Variants in TNPO1 observed in about 807,000 individuals in gnomAD.
TNPO1 encodes the protein transportin-1.
In TNPO1, 8 loss-of-function variants were observed where a neutral mutation model predicts 119.5. The observed-to-expected ratio is 0.07, with a 90% CI of 0.04 to 0.12. TNPO1 has a LOEUF of 0.12. TNPO1 is among the 10% of genes least tolerant of loss of function. The probability of loss-of-function intolerance (pLI) is 1.00; values close to 1 mark genes in which losing one functional copy is unlikely to be tolerated. For synonymous variants in TNPO1, 362 were observed against 363.0 expected (o/e 1.00, Z 0.03); for missense variants, 576 against 1,089.8 (o/e 0.53, Z 6.64).
chr5:72,861,453 G>A (rs79770229), intron 4 of TNPO1, among the ~76,000 whole-genome samples: 22 of 152,316 alleles, frequency 1.4e-4, no homozygotes, highest in Non-Finnish European at 2.6e-4. Flanking sequence ...CCAGGCATGA[G>A]TGTGGTCTCA....
intron 1 of TNPO1, among the ~76,000 whole-genome samples, chr5:72,837,659 T>C (rs1195609549): frequency 6.6e-6 from 1 of 152,224 alleles, no homozygotes; most frequent in Non-Finnish European, 1.5e-5. Flanking sequence ...CCTATTGTTA[T>C]CTGATGGTAC....
At position 72,901,285 on chromosome 5, in the gene TNPO1, C is replaced by T. The variant is rs72764823; in HGVS notation, c.2514+212C>T. ...TTGTCATGAAATGAGATAGTAACAG[C>T]AGATTGGGACAACAAGGTTATATTC... On this transcript the variant is annotated intron_variant, in intron 22 of 24. Coordinates refer to ENST00000337273, the MANE Select transcript of TNPO1 (RefSeq NM_002270.4). Among the ~76,000 whole-genome samples the T allele has an allele frequency of 2.9e-3, 441 of 151,584 alleles. 2 individuals are homozygous for T. The highest frequency in any genetic ancestry group is 5.4e-3 in the Non-Finnish European group (364 of 67,946).
chr5:72,822,829 G>A (rs1345998385), intron 1 of TNPO1, among the ~76,000 whole-genome samples: 2 of 151,174 alleles, frequency 1.3e-5, no homozygotes, highest in Non-Finnish European at 2.9e-5. Context: ...CTGACCTCAG[G>A]CAATCCGCCC....
intron 11 of TNPO1, among the ~76,000 whole-genome samples, chr5:72,886,713 A>G (rs898319933): frequency 3.9e-5 from 6 of 152,026 alleles, no homozygotes; most frequent in Non-Finnish European, 5.9e-5. Context: ...CCTGGCCAAC[A>G]TGGTGAAACC....
At chr5:72,848,341 G>GTAACA (rs780155218) in intron 1 of TNPO1, 44 bp from the exon 2 acceptor site, 1 of 1,581,402 alleles carries the variant, frequency 6.3e-7, no homozygotes, top group Non-Finnish European at 8.6e-7. Flanking sequence ...TGCACCGGGA[G>GTAACA]TAACAGTTGC....
chr5:72,875,877 G>A, intron 8 of TNPO1, 140 bp downstream of exon 8: 1 of 1,088,154 alleles, frequency 9.2e-7, no homozygotes, highest in East Asian at 2.7e-5. Flanking sequence ...TTTGTGGGGA[G>A]TTTTGTATTT....
intron 1 of TNPO1, among the ~76,000 whole-genome samples, chr5:72,834,212 A>G (rs751803254): frequency 3.9e-5 from 6 of 152,212 alleles, no homozygotes; most frequent in Non-Finnish European, 8.8e-5. Context: ...ACAATACATA[A>G]TACTTGATAA....
chr5:72,822,486 C>G (rs1347337427), intron 1 of TNPO1, among the ~76,000 whole-genome samples: 1 of 151,964 alleles, frequency 6.6e-6, no homozygotes, highest in Non-Finnish European at 1.5e-5. Context: ...GTGAGTATAT[C>G]AGGAGTCATG....
At chr5:72,861,976 T>A in intron 5 of TNPO1, 62 bp downstream of exon 5, 1 of 1,306,544 alleles carries the variant, frequency 7.7e-7, no homozygotes, top group Non-Finnish European at 1.1e-6. Context: ...TGTTGTGTAT[T>A]AGCAGCTTTT....
Position 72,816,702 on chromosome 5 carries a change from C to T in TNPO1, c.-36C>T, listed in dbSNP as rs1254843437. 1.3e-6 allele frequency: 2 copies of T among 1,558,976 alleles called. No homozygotes were observed. Among genetic ancestry groups the T allele is most frequent in the Non-Finnish European group, 8.7e-7 (1 of 1,154,700 alleles). ...AGGCCCCGGACAGGAGGCAGTGCCG[C>T]TTCGGCCGAAGGCCCGAGCGCCCGA... On this transcript the variant is annotated 5_prime_UTR_variant, in exon 1 of 25. Transcript: ENST00000337273.
chr5:72,875,590 G>GA (rs751713099), intron 7 of TNPO1, 25 bp from the exon 8 acceptor site: 4 of 1,606,422 alleles, frequency 2.5e-6, no homozygotes, highest in Non-Finnish European at 3.4e-6. Flanking sequence ...TCTAAAACTA[G>GA]AAAAAATTAT....
At chr5:72,840,627 TGGTTATAGATTG>T (rs1744869633) in intron 1 of TNPO1, among the ~76,000 whole-genome samples, 1 of 152,208 alleles carries the variant, frequency 6.6e-6, no homozygotes, top group Non-Finnish European at 1.5e-5. Context: ...AGGAAGTGTC[TGGTTATAGATTG>T]GGTCAAATTT....
rs775256574 is a variant in TNPO1 at position 72,848,388 on chromosome 5, A to G, written c.19A>G (p.Thr7Ala). The change falls in exon 2 of 25, where the codon ACC (threonine) becomes GCC (alanine). Residue 7 changes from threonine to alanine, a missense_variant. Around this residue, in one of 6 missense-constraint regions of TNPO1, gnomAD observed 57 missense variants for 59.5 expected, o/e 0.96. Transcript: ENST00000337273. Reference protein sequence around the residue: MVWDRQTKMEYEWKPDE... With the variant: MVWDRQAKMEYEWKPDE... ...CTGTGTCTGGCTTTATTTGCAGCAA[A>G]CCAAGATGGAGTATGAGTGGAAACC... The G allele has an allele frequency of 1.2e-6, 2 of 1,610,706 alleles. No homozygotes were observed. The highest frequency in any genetic ancestry group is 1.7e-6 in the Non-Finnish European group (2 of 1,178,194).
chr5:72,898,120 TC>T (rs951556983), intron 20 of TNPO1, among the ~76,000 whole-genome samples: 90 of 152,086 alleles, frequency 5.9e-4, no homozygotes, highest in African/African-American at 2.1e-3. Flanking sequence ...AGTACAAAAA[TC>T]TATGTATAGG....
intron 1 of TNPO1, among the ~76,000 whole-genome samples, chr5:72,842,896 A>G (rs757304484): frequency 1.8e-4 from 27 of 152,160 alleles, no homozygotes; most frequent in Non-Finnish European, 3.2e-4. Context: ...ATCATCTATG[A>G]GGTCCTCCTA....
chr5:72,830,304 T>C (rs1397692052), intron 1 of TNPO1, among the ~76,000 whole-genome samples: 2 of 152,140 alleles, frequency 1.3e-5, no homozygotes, highest in Admixed American at 6.5e-5. Flanking sequence ...AGAGTTTAAA[T>C]TGCTCAGCAG....
intron 1 of TNPO1, among the ~76,000 whole-genome samples, chr5:72,844,547 A>G (rs1211143896): frequency 6.6e-6 from 1 of 152,266 alleles, no homozygotes; most frequent in Non-Finnish European, 1.5e-5. Context: ...GACTTCTTCC[A>G]TGAAAAGAAG....
chr5:72,829,170 G>A (rs1277686525), intron 1 of TNPO1, among the ~76,000 whole-genome samples: 2 of 152,128 alleles, frequency 1.3e-5, no homozygotes, highest in East Asian at 3.9e-4. Context: ...ACTTAATTTA[G>A]GAAAAGAGCA....
At chr5:72,863,495 C>G (rs1746638745) in intron 5 of TNPO1, among the ~76,000 whole-genome samples, 1 of 151,994 alleles carries the variant, frequency 6.6e-6, no homozygotes, top group Non-Finnish European at 1.5e-5. Flanking sequence ...TGTGGTGGCT[C>G]ACACCTGTAA....
Sources: gnomAD v4.1 joint callset for allele counts (sites outside exome capture counted in the v4.1 genomes callset) on GRCh38, gnomAD v4.1.1 for gene constraint, gnomAD v4.1.1 regional missense constraint, MANE v1.5 for transcripts, NCBI Gene and HGNC (gene_info 2026-07-23, HGNC 2026-07-21) for gene names.